The following CRIM1 variants were observed in gnomAD, a reference collection of about 807,000 sequenced individuals.
The protein encoded by CRIM1 is cysteine-rich motor neuron 1 protein.
In CRIM1, 32 loss-of-function variants were observed where a neutral mutation model predicts 116.4. That is an observed-to-expected ratio of 0.27 (90% CI 0.21 to 0.37). The LOEUF is 0.37. Among genes scored for constraint, CRIM1 ranks in the 10% least tolerant of loss-of-function variants. CRIM1 has a pLI of 1.00. For missense variants in CRIM1, 1,331 were observed against 1,354.8 expected (o/e 0.98, Z 0.28); for synonymous variants, 590 against 509.2 (o/e 1.16, Z -2.13).
intron 8 of CRIM1, among the ~76,000 whole-genome samples, chr2:36,499,812 A>G (rs149152194): frequency 2.6e-5 from 4 of 152,320 alleles, no homozygotes; most frequent in African/African-American, 7.2e-5. Flanking sequence ...ATAGAAGAGT[A>G]TATTGTATTT....
chr2:36,359,829 A>G (rs1353609642), intron 1 of CRIM1, among the ~76,000 whole-genome samples: 1 of 152,172 alleles, frequency 6.6e-6, no homozygotes, highest in Non-Finnish European at 1.5e-5. Context: ...TCAGTCTAGA[A>G]AGTGCTTTTT....
At chr2:36,384,321 G>A (rs993967894) in intron 1 of CRIM1, among the ~76,000 whole-genome samples, 1 of 152,208 alleles carries the variant, frequency 6.6e-6, no homozygotes, top group African/African-American at 2.4e-5. Flanking sequence ...CTAGGGCTAG[G>A]CACAGGCCTC....
intron 8 of CRIM1, among the ~76,000 whole-genome samples, chr2:36,500,739 A>G (rs766380269): frequency 3.3e-5 from 5 of 152,238 alleles, no homozygotes; most frequent in Non-Finnish European, 7.3e-5. Context: ...GACCTGCAGA[A>G]TGATGCTGAA....
At chr2:36,458,208 C>T (rs544657541) in intron 4 of CRIM1, among the ~76,000 whole-genome samples, 55 of 152,264 alleles carry the variant, frequency 3.6e-4, no homozygotes, top group African/African-American at 1.3e-3. Context: ...TTGCTGCTTC[C>T]GAGCTGCCTC....
In CRIM1 at chr2:36,426,210, C is replaced by A. The variant is rs572596801; in HGVS notation, c.506-15048C>A. Among the ~76,000 whole-genome samples, 8 of 152,288 alleles carry A rather than the reference C, an allele frequency of 5.3e-5. No individual in the cohort carries two copies. In the South Asian group the frequency reaches 1.5e-3, roughly 28 times the overall value. On this transcript the variant is annotated intron_variant, in intron 2 of 16. Coordinates refer to ENST00000280527, the MANE Select transcript of CRIM1 (RefSeq NM_016441.3). ...ATGCATAGTCCAGAACCAAGAAGAGCAATTTCTGGAAATACCTCAGTGAGT... is the reference window on the plus strand; with the variant it reads ...ATGCATAGTCCAGAACCAAGAAGAGAAATTTCTGGAAATACCTCAGTGAGT...
intron 2 of CRIM1, among the ~76,000 whole-genome samples, chr2:36,425,321 T>C (rs759377961): frequency 3.9e-5 from 6 of 152,232 alleles, no homozygotes; most frequent in Non-Finnish European, 8.8e-5. Flanking sequence ...CTGTTAGATA[T>C]ACTCATTCAG....
intron 2 of CRIM1, among the ~76,000 whole-genome samples, chr2:36,404,992 C>A (rs1033055480): frequency 1.3e-5 from 2 of 151,876 alleles, no homozygotes; most frequent in African/African-American, 4.8e-5. Flanking sequence ...AAATTTTATT[C>A]TCGATTGTTA....
At chr2:36,535,038 G>A (rs886691719) in intron 13 of CRIM1, among the ~76,000 whole-genome samples, 3 of 146,898 alleles carry the variant, frequency 2.0e-5, no homozygotes, top group East Asian at 4.2e-4. Flanking sequence ...TCCAGGCTCA[G>A]TCTAAGTTCT....
At chr2:36,529,018 G>A in intron 13 of CRIM1, 1 of 427,280 alleles carries the variant, frequency 2.3e-6, no homozygotes. Flanking sequence ...CCCCTAAGCT[G>A]CATAGTCTTT....
chr2:36,437,711 T>C (rs1675426968), intron 2 of CRIM1, among the ~76,000 whole-genome samples: 1 of 152,216 alleles, frequency 6.6e-6, no homozygotes, highest in Non-Finnish European at 1.5e-5. Context: ...ACTGTGTCTT[T>C]GGTAGCCTAC....
At chr2:36,385,428 A>G (rs1246581522) in intron 1 of CRIM1, among the ~76,000 whole-genome samples, 1 of 152,222 alleles carries the variant, frequency 6.6e-6, no homozygotes, top group Non-Finnish European at 1.5e-5. Flanking sequence ...GTATTGCTGT[A>G]TATGAAGGTC....
At chr2:36,462,186 G>C (rs1677632237) in intron 4 of CRIM1, among the ~76,000 whole-genome samples, 1 of 152,162 alleles carries the variant, frequency 6.6e-6, no homozygotes, top group East Asian at 1.9e-4. Flanking sequence ...TAGCCTGCTG[G>C]AGACAACTTG....
intron 1 of CRIM1, among the ~76,000 whole-genome samples, chr2:36,366,333 CA>C (rs1340651592): frequency 1.3e-5 from 2 of 151,896 alleles, no homozygotes; most frequent in East Asian, 3.8e-4. Flanking sequence ...ATGTAACCTA[CA>C]AACAAAATCA....
intron 6 of CRIM1, 70 bp from the exon 7 acceptor site, chr2:36,479,427 T>C (rs1679233938): frequency 1.3e-6 from 2 of 1,496,704 alleles, no homozygotes. Context: ...GGAAAAAATG[T>C]CTCTGGGTAC....
chr2:36,455,116 G>A (rs189110955), intron 4 of CRIM1, among the ~76,000 whole-genome samples: 12 of 152,256 alleles, frequency 7.9e-5, no homozygotes, highest in African/African-American at 2.9e-4. Context: ...AGAACTGGAA[G>A]GATGGACCAT....
At position 36,475,381 on chromosome 2, in the gene CRIM1, G is replaced by A. The variant is rs150358775; in HGVS notation, c.992-1508G>A. 1.6e-4 allele frequency among the ~76,000 whole-genome samples: 24 copies of A among 152,136 alleles called. No individual in the cohort carries two copies. In the East Asian group the frequency reaches 3.3e-3, roughly 21 times the overall value. The stretch of plus-strand genomic sequence containing the variant: ...ATTGGAATTGTTTTCTTCATTTTCT[G>A]ATTGTTCATTGCTAGGGTATACAAA... On this transcript the variant is annotated intron_variant, in intron 5 of 16. Coordinates refer to ENST00000280527, the MANE Select transcript of CRIM1 (RefSeq NM_016441.3).
chr2:36,453,356 TGGCTCTTATGATAATATGATCA>T (rs938894616), intron 4 of CRIM1, among the ~76,000 whole-genome samples: 1 of 152,230 alleles, frequency 6.6e-6, no homozygotes, highest in African/African-American at 2.4e-5. Context: ...TTATATGTCA[TGGCTCTTATGATAATATGATCA>T]GGGACTTTGA....
Position 36,387,006 on chromosome 2 carries a change from GT to G in CRIM1, c.332-9605del, listed in dbSNP as rs371823009. Among the ~76,000 whole-genome samples, 60 of 152,348 alleles carry G rather than the reference GT, an allele frequency of 3.9e-4. No homozygotes were observed. The East Asian group carries it at 9.5e-3, about 24-fold the overall frequency. On this transcript the variant is annotated intron_variant, in intron 1 of 16. Coordinates refer to ENST00000280527, the MANE Select transcript of CRIM1 (RefSeq NM_016441.3). The stretch of plus-strand genomic sequence containing the variant: ...GCATGGCAGAGATGAGGTTGAAGAA[GT>G]TTGCTGGGATCAAGTCTAAACTGGC...
At chr2:36,365,121 AG>A (rs1200363799) in intron 1 of CRIM1, among the ~76,000 whole-genome samples, 4 of 152,186 alleles carry the variant, frequency 2.6e-5, no homozygotes, top group African/African-American at 9.6e-5. Flanking sequence ...CTGGGAATAC[AG>A]GGTCTATGCA....
Sources: gnomAD v4.1 joint callset for allele counts (sites outside exome capture counted in the v4.1 genomes callset) on GRCh38, gnomAD v4.1.1 for gene constraint, MANE v1.5 for transcripts, NCBI Gene and HGNC (gene_info 2026-07-23, HGNC 2026-07-21) for gene names.